Variants in KLF12 observed in about 807,000 individuals in gnomAD.
KLF12 encodes the protein KLF transcription factor 12, also known as Krueppel-like factor 12.
A neutral mutation model predicts 37.8 loss-of-function variants in KLF12; 9 were observed. The observed-to-expected ratio is 0.24, with a 90% CI of 0.14 to 0.42. The LOEUF (loss-of-function observed/expected upper bound fraction) is 0.42. Among genes scored for constraint, KLF12 ranks in the 10% least tolerant of loss-of-function variants. The pLI is 1.00. For synonymous variants in KLF12, 208 were observed against 202.1 expected (o/e 1.03, Z -0.25); for missense variants, 411 against 516.0 (o/e 0.80, Z 1.97).
chr13:74,086,193 T>C (rs1875285123), intron 1 of KLF12, among the ~76,000 whole-genome samples: 1 of 151,652 alleles, frequency 6.6e-6, no homozygotes, highest in Non-Finnish European at 1.5e-5. Flanking sequence ...TATGTATACA[T>C]GTGCCATGCT....
the KLF12 span, among the ~76,000 whole-genome samples, chr13:74,143,119 G>GCTC: frequency 0.031 from 4,257 of 138,546 alleles, 209 homozygotes; most frequent in African/African-American, 0.11. Flanking sequence ...TCCTCCTCTT[G>GCTC]CTCCTCCTCC....
intron 1 of KLF12, among the ~76,000 whole-genome samples, chr13:74,034,537 A>G (rs1052963467): frequency 6.6e-6 from 1 of 152,198 alleles, no homozygotes; most frequent in Non-Finnish European, 1.5e-5. Context: ...AAACTGACAA[A>G]ACTTTTATTA....
chr13:73,901,601 G>A (rs1888043329), intron 3 of KLF12, among the ~76,000 whole-genome samples: 2 of 151,800 alleles, frequency 1.3e-5, no homozygotes, highest in African/African-American at 4.8e-5. Context: ...CCCCAAAATG[G>A]AGCACACAAA....
the KLF12 span, among the ~76,000 whole-genome samples, chr13:74,222,420 A>G: frequency 6.6e-6 from 1 of 152,204 alleles, no homozygotes; most frequent in South Asian, 2.1e-4. Flanking sequence ...AAAGCACATG[A>G]GTGTGTTTCT....
intron 1 of KLF12, among the ~76,000 whole-genome samples, chr13:74,034,951 C>T (rs545058486): frequency 6.6e-6 from 1 of 152,328 alleles, no homozygotes; most frequent in East Asian, 1.9e-4. Flanking sequence ...GCCTTTTTAT[C>T]CCATAGCTTA....
At chr13:74,009,709 T>C (rs1411242796) in intron 1 of KLF12, among the ~76,000 whole-genome samples, 1 of 152,208 alleles carries the variant, frequency 6.6e-6, no homozygotes, top group Non-Finnish European at 1.5e-5. Context: ...TGTATATAGT[T>C]AAATATGGCC....
the KLF12 span, among the ~76,000 whole-genome samples, chr13:74,304,239 T>C: frequency 2.5e-4 from 38 of 152,306 alleles, no homozygotes; most frequent in Non-Finnish European, 4.1e-4. Context: ...TCGTTTGCAC[T>C]GTACTCCACC....
chr13:73,871,740 T>A (rs1471698410), intron 3 of KLF12, among the ~76,000 whole-genome samples: 1 of 152,224 alleles, frequency 6.6e-6, no homozygotes, highest in African/African-American at 2.4e-5. Flanking sequence ...CTGTCTTCCA[T>A]GACGCATCCT....
At chr13:74,287,286 C>T in the KLF12 span, among the ~76,000 whole-genome samples, 1 of 149,668 alleles carries the variant, frequency 6.7e-6, no homozygotes, top group Non-Finnish European at 1.5e-5. Flanking sequence ...CCCCAGTGCT[C>T]TCTCGGGGAA....
At chr13:73,844,820 A>G (rs1884927933) in intron 4 of KLF12, 1 of 152,324 alleles carries the variant, frequency 6.6e-6, no homozygotes, top group Admixed American at 6.5e-5. Context: ...ATAGTGTCAA[A>G]GCAAAAAGTA....
upstream of KLF12, among the ~76,000 whole-genome samples, chr13:74,136,424 C>T (rs1593930973): frequency 6.6e-6 from 1 of 152,198 alleles, no homozygotes; most frequent in Non-Finnish European, 1.5e-5. Context: ...CAACGAGAAA[C>T]TTGCCTCTAC....
the KLF12 span, among the ~76,000 whole-genome samples, chr13:74,188,383 C>A: frequency 1.3e-5 from 2 of 152,110 alleles, no homozygotes; most frequent in African/African-American, 4.8e-5. Flanking sequence ...CCTTTGATGT[C>A]ATAATACTTT....
chr13:74,297,919 G>C, the KLF12 span, among the ~76,000 whole-genome samples: 1 of 152,072 alleles, frequency 6.6e-6, no homozygotes, highest in African/African-American at 2.4e-5. Flanking sequence ...TGAGGAAAAT[G>C]GGAGAATTTA....
the KLF12 span, among the ~76,000 whole-genome samples, chr13:74,242,308 G>A: frequency 2.6e-5 from 4 of 152,204 alleles, no homozygotes; most frequent in African/African-American, 9.6e-5. Flanking sequence ...AAGAAAAAGA[G>A]GTTTAATGGA....
rs779427670 is a variant in KLF12 at position 74,064,946 on chromosome 13, C to T, written c.-32+68793G>A. ...TCTGATTCACACACACTCATGTATA[C>T]GTTATTCTACTGTTTTTGACTCATA... On this transcript the variant is annotated intron_variant, in intron 1 of 7. Transcript: ENST00000377669. 3.3e-5 allele frequency among the ~76,000 whole-genome samples: 5 copies of T among 152,244 alleles called. No homozygotes were observed. The South Asian group carries it at 6.2e-4, about 19-fold the overall frequency.
chr13:74,267,079 A>G, the KLF12 span, among the ~76,000 whole-genome samples: 1 of 152,176 alleles, frequency 6.6e-6, no homozygotes, highest in Admixed American at 6.5e-5. Flanking sequence ...CATTCTCCTC[A>G]TACTTGCATA....
chr13:74,151,633 A>G, the KLF12 span, among the ~76,000 whole-genome samples: 11 of 151,138 alleles, frequency 7.3e-5, no homozygotes, highest in African/African-American at 2.7e-4. Context: ...AGCCTGGGTG[A>G]TGGAGTGAGA....
the KLF12 span, among the ~76,000 whole-genome samples, chr13:74,289,411 T>A: frequency 6.6e-5 from 10 of 152,170 alleles, no homozygotes; most frequent in African/African-American, 2.4e-4. Flanking sequence ...CATGCAATAG[T>A]GGAACAAGGA....
intron 1 of KLF12, among the ~76,000 whole-genome samples, chr13:74,101,025 C>A (rs764461238): frequency 1.3e-5 from 2 of 152,164 alleles, no homozygotes; most frequent in East Asian, 3.9e-4. Flanking sequence ...ACCACACCCA[C>A]CCAGAGAGAA....
Sources: gnomAD v4.1 joint callset for allele counts (sites outside exome capture counted in the v4.1 genomes callset) on GRCh38, gnomAD v4.1.1 for gene constraint, MANE v1.5 for transcripts, NCBI Gene and HGNC (gene_info 2026-07-23, HGNC 2026-07-21) for gene names.